Variants in ALK observed in about 807,000 individuals in gnomAD.
ALK encodes the protein ALK tyrosine kinase receptor.
ALK carries 74 observed loss-of-function variants against 163.1 expected under a neutral mutation model. The ratio of observed to expected loss-of-function variants is 0.45; its 90% CI spans 0.38 to 0.55. The LOEUF is 0.55. Ranked by LOEUF, ALK falls within the 20% of genes least tolerant of loss-of-function variation. The pLI is 0.00. For missense variants in ALK, 2,063 were observed against 2,105.3 expected (o/e 0.98, Z 0.39); for synonymous variants, 960 against 843.2 (o/e 1.14, Z -2.40).
rs1304133536 is a variant in ALK at position 29,288,950 on chromosome 2, T to C, written c.1817+7938A>G. ...CTGGGCGACAGAGGGAGACTCCTTCTCAAAAAAATAAATAAATAAATAAAT... is the reference window on the plus strand; with the variant it reads ...CTGGGCGACAGAGGGAGACTCCTTCCCAAAAAAATAAATAAATAAATAAAT... On this transcript the variant is annotated intron_variant, in intron 9 of 28. Transcript: ENST00000389048. Among the ~76,000 whole-genome samples the C allele has an allele frequency of 2.1e-4, 4 of 19,272 alleles. No homozygotes were observed. The Non-Finnish European group carries it at 2.1e-3, about 10-fold the overall frequency. 12.6% of individuals were successfully genotyped at this position (19,272 alleles called of 152,430 possible).
intron 1 of ALK, among the ~76,000 whole-genome samples, chr2:29,864,691 G>A (rs921554900): frequency 2.6e-5 from 4 of 152,152 alleles, no homozygotes; most frequent in African/African-American, 7.2e-5. Flanking sequence ...GGAAAGAGAA[G>A]ACAAAGGAAA....
chr2:29,474,640 A>T (rs1396394879), intron 4 of ALK, among the ~76,000 whole-genome samples: 1 of 152,230 alleles, frequency 6.6e-6, no homozygotes. Flanking sequence ...AACTAACTCT[A>T]CAGAAATAAT....
chr2:29,676,966 A>C (rs180775877), intron 3 of ALK, among the ~76,000 whole-genome samples: 5 of 151,938 alleles, frequency 3.3e-5, no homozygotes, highest in Non-Finnish European at 7.4e-5. Context: ...TTAGTTTTTT[A>C]ATATTGATTT....
At chr2:29,217,105 TGTCTGTGG>T (rs1669646729) in intron 23 of ALK, among the ~76,000 whole-genome samples, 2 of 119,994 alleles carry the variant, frequency 1.7e-5, no homozygotes, top group East Asian at 5.2e-4. Flanking sequence ...CTATGTGGTG[TGTCTGTGG>T]GGGGGGGGCG....
chr2:29,350,980 G>A (rs1032677014), intron 5 of ALK, among the ~76,000 whole-genome samples: 3 of 152,152 alleles, frequency 2.0e-5, no homozygotes, highest in African/African-American at 7.2e-5. Flanking sequence ...GTTTGGGAAG[G>A]CTGCATATTC....
chr2:29,379,337 A>C (rs1668838034), intron 5 of ALK, among the ~76,000 whole-genome samples: 1 of 152,188 alleles, frequency 6.6e-6, no homozygotes, highest in Non-Finnish European at 1.5e-5. Flanking sequence ...TAATAGCCCA[A>C]AGCTATAAAA....
intron 4 of ALK, among the ~76,000 whole-genome samples, chr2:29,519,212 T>C (rs924363147): frequency 6.6e-6 from 1 of 152,216 alleles, no homozygotes; most frequent in Admixed American, 6.5e-5. Flanking sequence ...GTGATCTGTT[T>C]TGCAAGGTGG....
Position 29,193,220 on chromosome 2 carries a change from G to T in ALK, c.*4C>A, listed in dbSNP as rs780399982. The T allele has an allele frequency of 3.1e-6, 5 of 1,613,742 alleles. No individual in the cohort carries two copies. Among genetic ancestry groups the T allele is most frequent in the Non-Finnish European group, 4.2e-6 (5 of 1,179,938 alleles). On this transcript the variant is annotated 3_prime_UTR_variant, in exon 29 of 29. Coordinates refer to ENST00000389048, the MANE Select transcript of ALK (RefSeq NM_004304.5). ...AAGGAAGAGAAGTGAGTGTGCGACC[G>T]AGCTCAGGGCCCAGGCTGGTTCATG...
intron 12 of ALK, among the ~76,000 whole-genome samples, chr2:29,242,741 G>A (rs1456592170): frequency 6.6e-6 from 1 of 152,206 alleles, no homozygotes; most frequent in Non-Finnish European, 1.5e-5. Flanking sequence ...GCTCTCATGG[G>A]CATACAAAGC....
chr2:29,719,170 C>T (rs1026276294), intron 1 of ALK, among the ~76,000 whole-genome samples: 3 of 152,208 alleles, frequency 2.0e-5, no homozygotes, highest in African/African-American at 2.4e-5. Context: ...GGGCATTCCA[C>T]GGTCTCCTTC....
intron 3 of ALK, among the ~76,000 whole-genome samples, chr2:29,676,010 G>A: frequency 6.6e-6 from 1 of 151,994 alleles, no homozygotes; most frequent in Non-Finnish European, 1.5e-5. Flanking sequence ...ACAGGTGTGG[G>A]TGATGGCACC....
intron 11 of ALK, among the ~76,000 whole-genome samples, chr2:29,271,525 T>C (rs1665384985): frequency 6.6e-6 from 1 of 152,178 alleles, no homozygotes; most frequent in Admixed American, 6.5e-5. Context: ...ATCTTGGAGC[T>C]GGAAACGGGA....
In ALK at chr2:29,461,904, TC is replaced by T. The variant is rs746012385; in HGVS notation, c.1154+70010del. Among the ~76,000 whole-genome samples, 120 of 152,202 alleles carry T rather than the reference TC, an allele frequency of 7.9e-4. No homozygotes were observed. In the Middle Eastern group the frequency reaches 0.01, roughly 13 times the overall value. ...TCTTCTGGAAAAAAAAAAGGACCAT[TC>T]TAGGTGTCATTAAGAATATTTTTGA... On this transcript the variant is annotated intron_variant, in intron 4 of 28. Coordinates refer to ENST00000389048, the MANE Select transcript of ALK (RefSeq NM_004304.5).
At position 29,438,138 on chromosome 2, in the gene ALK, G is replaced by A. The variant is rs115438233; in HGVS notation, c.1155-54279C>T. ...CCATCCATTTCTGATCAAAGAACAC[G>A]AAGCAAATACCTTAGACTGACATTA... On this transcript the variant is annotated intron_variant, in intron 4 of 28. Coordinates refer to ENST00000389048, the MANE Select transcript of ALK (RefSeq NM_004304.5). Among the ~76,000 whole-genome samples the A allele has an allele frequency of 8.8e-3, 1,307 of 148,756 alleles. 11 individuals are homozygous for A. Among genetic ancestry groups the A allele is most frequent in the African/African-American group, 0.031 (1,242 of 40,106 alleles).
intron 1 of ALK, among the ~76,000 whole-genome samples, chr2:29,730,154 G>A (rs970363006): frequency 6.6e-6 from 1 of 152,194 alleles, no homozygotes; most frequent in Non-Finnish European, 1.5e-5. Context: ...CACAAGCTCC[G>A]AGAAAGCAAA....
chr2:29,629,326 C>G (rs1252414121), intron 3 of ALK, among the ~76,000 whole-genome samples: 1 of 152,016 alleles, frequency 6.6e-6, no homozygotes, highest in Non-Finnish European at 1.5e-5. Context: ...AACTTGAGAC[C>G]CTCAGGAAAG....
chr2:29,229,136 G>A (rs1664113224), intron 15 of ALK, 70 bp from the exon 16 acceptor site: 1 of 1,479,598 alleles, frequency 6.8e-7, no homozygotes, highest in Non-Finnish European at 9.4e-7. Flanking sequence ...GGCCAGAGAA[G>A]CAGGATGCAG....
At chr2:29,288,953 AAAAAATAAAT>A (rs1488569099) in intron 9 of ALK, among the ~76,000 whole-genome samples, 5 of 33,340 alleles carry the variant, frequency 1.5e-4, no homozygotes, top group African/African-American at 2.5e-4. Context: ...CTCCTTCTCA[AAAAAATAAAT>A]AAATAAATAA....
intron 4 of ALK, among the ~76,000 whole-genome samples, chr2:29,515,560 G>A (rs1301980133): frequency 1.3e-5 from 2 of 152,134 alleles, no homozygotes; most frequent in Non-Finnish European, 2.9e-5. Flanking sequence ...TCACCAAGAT[G>A]GTAGGGGTGG....
Sources: allele counts gnomAD v4.1 joint callset (sites outside exome capture counted in the v4.1 genomes callset), GRCh38; gene constraint gnomAD v4.1.1; transcripts MANE v1.5; gene names NCBI Gene and HGNC (gene_info 2026-07-23, HGNC 2026-07-21).